Variants in CABIN1 observed in about 807,000 individuals in gnomAD.
CABIN1 encodes calcineurin-binding protein cabin-1.
A neutral mutation model predicts 227.7 loss-of-function variants in CABIN1; 133 were observed. The observed-to-expected ratio is 0.58, with a 90% CI of 0.51 to 0.67. CABIN1 has a LOEUF of 0.67. CABIN1 is among the 30% of genes least tolerant of loss of function. CABIN1 has a pLI of 0.00. For synonymous variants in CABIN1, 1,086 were observed against 1,155.1 expected (o/e 0.94, Z 1.21); for missense variants, 2,408 against 2,852.5 (o/e 0.84, Z 3.55).
intron 29 of CABIN1, among the ~76,000 whole-genome samples, chr22:24,143,862 T>A (rs140654164): frequency 1.4e-4 from 22 of 152,324 alleles, no homozygotes; most frequent in African/African-American, 4.8e-4. Context: ...GCTCTTCCCC[T>A]TGGACAGCAG....
chr22:24,054,389 G>A (rs1341167898), intron 8 of CABIN1, among the ~76,000 whole-genome samples: 1 of 152,182 alleles, frequency 6.6e-6, no homozygotes, highest in Admixed American at 6.5e-5. Context: ...AATCCACTGA[G>A]GTGCTGCTCC....
At chr22:24,021,073 C>T (rs1389840645) in intron 1 of CABIN1, among the ~76,000 whole-genome samples, 1 of 151,594 alleles carries the variant, frequency 6.6e-6, no homozygotes, top group East Asian at 1.9e-4. Flanking sequence ...GATCATGGCT[C>T]ACTGCAGCCT....
intron 29 of CABIN1, among the ~76,000 whole-genome samples, chr22:24,142,345 T>C (rs776262338): frequency 1.3e-4 from 20 of 152,184 alleles, no homozygotes; most frequent in Non-Finnish European, 2.5e-4. Context: ...GCCTAGTGAC[T>C]GAATTCCTCT....
chr22:24,154,698 C>CT (rs1178762904), intron 29 of CABIN1, among the ~76,000 whole-genome samples: 2 of 152,204 alleles, frequency 1.3e-5, no homozygotes, highest in African/African-American at 2.4e-5. Context: ...GGCACTGCCT[C>CT]TTGAGTTCCT....
intron 26 of CABIN1, among the ~76,000 whole-genome samples, chr22:24,113,199 A>G (rs1485815319): frequency 6.6e-6 from 1 of 152,246 alleles, no homozygotes; most frequent in African/African-American, 2.4e-5. Context: ...TCCTAACTCC[A>G]CATTTGACAA....
rs775285890 is a variant in CABIN1 at position 24,178,216 on chromosome 22, C to T, written c.*20C>T. 4.3e-5 allele frequency: 69 copies of T among 1,612,250 alleles called. No individual in the cohort carries two copies. In the Middle Eastern group the frequency reaches 5.1e-4, roughly 12 times the overall value. On this transcript the variant is annotated 3_prime_UTR_variant, in exon 37 of 37. Transcript: ENST00000263119. ...ATTTGAGGGGCCACTGCAGCCCCAC[C>T]GCCACGCCCCAGGGGACCAGCCAGG...
chr22:24,045,365 A>G (rs1279602788), intron 6 of CABIN1, among the ~76,000 whole-genome samples: 1 of 152,140 alleles, frequency 6.6e-6, no homozygotes, highest in Non-Finnish European at 1.5e-5. Context: ...TGTAGTCCCA[A>G]CACTCTAGGA....
At chr22:24,062,411 G>A (rs2039264326) in intron 13 of CABIN1, among the ~76,000 whole-genome samples, 1 of 139,962 alleles carries the variant, frequency 7.1e-6, no homozygotes, top group African/African-American at 2.7e-5. Context: ...AGGCTGGAGT[G>A]CAGTGGCATG....
intron 28 of CABIN1, among the ~76,000 whole-genome samples, chr22:24,130,096 C>G (rs963503984): frequency 3.9e-5 from 6 of 152,230 alleles, no homozygotes; most frequent in Admixed American, 3.9e-4. Flanking sequence ...TCCATCTGCC[C>G]TCTGTCACAG....
intron 29 of CABIN1, among the ~76,000 whole-genome samples, chr22:24,135,888 A>T (rs1393413685): frequency 6.6e-6 from 1 of 152,098 alleles, no homozygotes; most frequent in East Asian, 1.9e-4. Context: ...GAGTGTCTGG[A>T]TCCATGGCTC....
In CABIN1 at chr22:24,038,450, C is replaced by T. The variant is rs1336868059; in HGVS notation, c.199C>T (p.Leu67=). ...KAYHELLEAS[L]LREAVSSGDE... Reference sequence around the variant, plus strand: ...CTACCATGAGCTCTTGGAGGCGAGCCTGCTGCGGGAGGTGAGGCATCAGCA... The same window carrying T: ...CTACCATGAGCTCTTGGAGGCGAGCTTGCTGCGGGAGGTGAGGCATCAGCA... The change falls in exon 4 of 37, where the codon CTG becomes TTG. Residue 67 remains leucine, a synonymous_variant. Transcript: ENST00000263119. The T allele has an allele frequency of 6.2e-7, 1 of 1,613,032 alleles. No homozygotes were observed. The highest frequency in any genetic ancestry group is 8.5e-7 in the Non-Finnish European group (1 of 1,179,464).
At chr22:24,139,309 T>C (rs2044604887) in intron 29 of CABIN1, among the ~76,000 whole-genome samples, 1 of 152,164 alleles carries the variant, frequency 6.6e-6, no homozygotes, top group South Asian at 2.1e-4. Flanking sequence ...GTGCAGTGGC[T>C]CACGCCTGTA....
chr22:24,153,448 C>G (rs1301156501), intron 29 of CABIN1, among the ~76,000 whole-genome samples: 3 of 152,158 alleles, frequency 2.0e-5, no homozygotes, highest in Admixed American at 6.5e-5. Flanking sequence ...TGCCAGTAAG[C>G]GCAGCTCTTT....
chr22:24,097,588 G>A (rs1430459049), intron 25 of CABIN1, among the ~76,000 whole-genome samples: 3 of 152,210 alleles, frequency 2.0e-5, no homozygotes, highest in African/African-American at 7.2e-5. Flanking sequence ...CAACTATGTT[G>A]CAGCACATAT....
At chr22:24,111,007 C>T (rs1286202849) in intron 26 of CABIN1, among the ~76,000 whole-genome samples, 2 of 152,018 alleles carry the variant, frequency 1.3e-5, no homozygotes, top group African/African-American at 2.4e-5. Context: ...TGTCCTGTTT[C>T]ACCCTCATCT....
chr22:24,177,994 G>A lies in CABIN1; in HGVS notation c.6520-59G>A, dbSNP rs570098451. ...CTGGGGCAGGGGTGAAGGTGGCAGA[G>A]GGGCTTGGGGCAGAGCCCAGCCATC... On this transcript the variant is annotated intron_variant, in intron 36 of 36. Coordinates refer to ENST00000263119, the MANE Select transcript of CABIN1 (RefSeq NM_012295.4). This position sits in a 1 kb window ranked among gnomAD's most constrained non-coding sequence, Gnocchi z 4.4. 5.0e-6 allele frequency: 8 copies of A among 1,608,784 alleles called. No individual in the cohort carries two copies. The Admixed American group carries it at 1.2e-4, about 23-fold the overall frequency.
intron 1 of CABIN1, among the ~76,000 whole-genome samples, chr22:24,029,881 C>A (rs1377304447): frequency 6.6e-6 from 1 of 152,148 alleles, no homozygotes; most frequent in Non-Finnish European, 1.5e-5. Flanking sequence ...GCCCAGGAGA[C>A]ACATTGAAAA....
At position 24,049,228 on chromosome 22, in the gene CABIN1, C is replaced by T; in HGVS notation, c.656+8C>T. On this transcript the variant is annotated splice_region_variant and intron_variant, in intron 7 of 36. Transcript: ENST00000263119. ...CAGAATGTTCCTCAAATGGTAAGTC[C>T]TGCCTCTTCCCATGCCATGTGTGCA... 6.2e-7 allele frequency: 1 copy of T among 1,612,904 alleles called. No homozygotes were observed. Among genetic ancestry groups the T allele is most frequent in the Non-Finnish European group, 8.5e-7 (1 of 1,179,778 alleles).
intron 33 of CABIN1, chr22:24,170,162 C>T (rs183495708): frequency 3.8e-4 from 176 of 458,244 alleles, no homozygotes; most frequent in African/African-American, 3.0e-3. Flanking sequence ...TGGTATCTGC[C>T]GTGGGCAGAT....
Sources: allele counts gnomAD v4.1 joint callset (sites outside exome capture counted in the v4.1 genomes callset), GRCh38; gene constraint gnomAD v4.1.1; non-coding constraint Gnocchi (gnomAD v3.1); transcripts MANE v1.5; gene names NCBI Gene and HGNC (gene_info 2026-07-23, HGNC 2026-07-21).